The following CCDC175 variants were observed in gnomAD, a reference collection of about 807,000 sequenced individuals.
CCDC175 encodes coiled-coil domain-containing protein 175.
A neutral mutation model predicts 114.6 loss-of-function variants in CCDC175; 100 were observed. The observed-to-expected ratio is 0.87, with a 90% CI of 0.74 to 1.03. The LOEUF (loss-of-function observed/expected upper bound fraction) is 1.03, where lower values mean the gene tolerates loss of function less well. Among genes scored for constraint, CCDC175 ranks in the 50% least tolerant of loss-of-function variants. The probability of loss-of-function intolerance (pLI) is 0.00; values close to 1 mark genes in which losing one functional copy is unlikely to be tolerated. For synonymous variants in CCDC175, 306 were observed against 308.7 expected (o/e 0.99, Z 0.09); for missense variants, 880 against 917.8 (o/e 0.96, Z 0.53).
intron 3 of CCDC175, among the ~76,000 whole-genome samples, chr14:59,572,104 A>T (rs1376225668): frequency 6.6e-6 from 1 of 152,222 alleles, no homozygotes; most frequent in Non-Finnish European, 1.5e-5. Flanking sequence ...ACTGTTTTGG[A>T]TAAGGGATGC....
chr14:59,527,244 A>G lies in CCDC175; in HGVS notation c.1763-70T>C, dbSNP rs181499455. 7.4e-6 allele frequency: 6 copies of G among 809,186 alleles called. No homozygotes were observed. The African/African-American group carries it at 1.1e-4, about 15-fold the overall frequency. The allele number at this position is 809,186 out of a possible 1,614,324, so 50.1% of individuals were successfully genotyped here. A position where few individuals can be genotyped will look rare whatever the true frequency, so the allele number is the denominator to read the frequency against. ...AAAAATATTAATCAAAGAAGTACCT[A>G]GTTTTAAAAATCAAATTATCTCACA... On this transcript the variant is annotated intron_variant, in intron 14 of 19. Coordinates refer to ENST00000537690, the MANE Select transcript of CCDC175 (RefSeq NM_001164399.2).
At chr14:59,548,092 C>T (rs949390309) in intron 8 of CCDC175, among the ~76,000 whole-genome samples, 2 of 152,104 alleles carry the variant, frequency 1.3e-5, no homozygotes, top group African/African-American at 2.4e-5. Context: ...AAAATGTATA[C>T]ATGCACAATT....
intron 11 of CCDC175, among the ~76,000 whole-genome samples, chr14:59,540,426 T>C (rs1894700528): frequency 6.6e-6 from 1 of 151,612 alleles, no homozygotes; most frequent in African/African-American, 2.4e-5. Flanking sequence ...ATTGCACAAA[T>C]ATTAGCAATT....
chr14:59,551,516 C>T, intron 7 of CCDC175, 80 bp from the exon 8 acceptor site: 1 of 616,898 alleles, frequency 1.6e-6, no homozygotes, highest in Non-Finnish European at 2.7e-6. Context: ...ATAGGAACAG[C>T]TGCAGTATAC....
intron 15 of CCDC175, among the ~76,000 whole-genome samples, chr14:59,526,525 G>C (rs973972203): frequency 5.3e-5 from 8 of 149,668 alleles, no homozygotes; most frequent in African/African-American, 1.7e-4. Context: ...CACTGCACTC[G>C]AGCCTGGGCA....
intron 11 of CCDC175, among the ~76,000 whole-genome samples, chr14:59,540,072 A>AAAT (rs372161297): frequency 6.6e-6 from 1 of 152,076 alleles, no homozygotes; most frequent in African/African-American, 2.4e-5. Context: ...CTCTGTCTCA[A>AAAT]AATAATAATA....
chr14:59,525,499 T>A, intron 15 of CCDC175, 65 bp from the exon 16 acceptor site: 1 of 1,113,736 alleles, frequency 9.0e-7, no homozygotes. Context: ...GGTATTATAC[T>A]GCCTAGGTCA....
chr14:59,535,015 C>T (rs942228000), intron 13 of CCDC175, among the ~76,000 whole-genome samples: 8 of 152,162 alleles, frequency 5.3e-5, no homozygotes, highest in African/African-American at 1.7e-4. Flanking sequence ...ATGGTTCCAC[C>T]AGGGGCACAA....
In CCDC175 at chr14:59,525,346, T is replaced by C. The variant is rs1292165583; in HGVS notation, c.1931A>G (p.Asn644Ser). Residue 644 changes from asparagine to serine, a missense_variant, in exon 16 of 20, where the codon AAT becomes AGT. Physicochemically the swap from Asn to Ser is conservative, Grantham distance 46. Coordinates refer to ENST00000537690, the MANE Select transcript of CCDC175 (RefSeq NM_001164399.2). ...TTTTTGGTCATTTATATAGAATCCA[T>C]TTTCTAAGTTCTTTAGAGTTTCAAA... ...DHFETLKNLE[N>S]GFYINDQKAD... 1 of 1,507,392 alleles carries C rather than the reference T, an allele frequency of 6.6e-7. No individual in the cohort carries two copies. Among genetic ancestry groups the C allele is most frequent in the Admixed American group, 2.3e-5 (1 of 42,954 alleles). The allele number at this position is 1,507,392 out of a possible 1,614,324, so 93.4% of individuals were successfully genotyped here. A position where few individuals can be genotyped will look rare whatever the true frequency, so the allele number is the denominator to read the frequency against.
chr14:59,534,875 G>A (rs1894302238), intron 13 of CCDC175, among the ~76,000 whole-genome samples: 1 of 152,180 alleles, frequency 6.6e-6, no homozygotes, highest in East Asian at 1.9e-4. Context: ...ATTCAGGGCT[G>A]TTTTCCTTAG....
At chr14:59,506,351 G>T (rs1331959102) in intron 19 of CCDC175, among the ~76,000 whole-genome samples, 3 of 148,544 alleles carry the variant, frequency 2.0e-5, no homozygotes, top group African/African-American at 7.5e-5. Flanking sequence ...GCAGTGATGC[G>T]ATCTCGGCTC....
chr14:59,544,206 G>A (rs141633545), intron 9 of CCDC175, among the ~76,000 whole-genome samples: 5,286 of 152,068 alleles, frequency 0.035, 158 homozygotes, highest in Middle Eastern at 0.1. Flanking sequence ...GGCTCTTGTC[G>A]CCCAGGCCAG....
In CCDC175 at chr14:59,531,818, A is replaced by G; in HGVS notation, c.1716T>C (p.Tyr572=). ...CTTCTAACTTTCTTCTTTTCTCTTT[A>G]TACTCTTGTTCTGCCACCTGAAGTT... ...LPQLQVAEQE[Y]KEKRRKLEEL... is the part of the protein sequence containing the mutation. The change falls in exon 14 of 20, where the codon TAT becomes TAC. Residue 572 remains tyrosine (Y), a synonymous_variant. Coordinates refer to ENST00000537690, the MANE Select transcript of CCDC175 (RefSeq NM_001164399.2). The G allele has an allele frequency of 6.7e-7, 1 of 1,499,190 alleles. No homozygotes were observed. The highest frequency in any genetic ancestry group is 1.2e-5 in the South Asian group (1 of 81,134). The allele number at this position is 1,499,190 out of a possible 1,614,324, so 92.9% of individuals were successfully genotyped here. A position where few individuals can be genotyped will look rare whatever the true frequency, so the allele number is the denominator to read the frequency against.
chr14:59,518,811 T>C (rs557775031), intron 17 of CCDC175, among the ~76,000 whole-genome samples: 4 of 152,104 alleles, frequency 2.6e-5, no homozygotes, highest in African/African-American at 9.7e-5. Context: ...AGCCATCCCA[T>C]TACTGGGTAT....
intron 2 of CCDC175, 42 bp downstream of exon 2, chr14:59,574,900 AT>A (rs1477046926): frequency 9.6e-7 from 1 of 1,045,212 alleles, no homozygotes. Flanking sequence ...TTGAAGAAAT[AT>A]GTGGAAGATT....
chr14:59,510,204 T>A (rs941753736), intron 19 of CCDC175, among the ~76,000 whole-genome samples: 2 of 152,198 alleles, frequency 1.3e-5, no homozygotes, highest in Non-Finnish European at 2.9e-5. Context: ...TCAAGCATGT[T>A]AGATATGATG....
At chr14:59,558,239 C>G (rs970385885) in intron 7 of CCDC175, among the ~76,000 whole-genome samples, 1 of 152,126 alleles carries the variant, frequency 6.6e-6, no homozygotes, top group Non-Finnish European at 1.5e-5. Flanking sequence ...GTGTTAAGGT[C>G]AGGCTAGAAG....
At position 59,525,256 on chromosome 14, in the gene CCDC175, G is replaced by A. The variant is rs879183442; in HGVS notation, c.1995+26C>T. On this transcript the variant is annotated intron_variant, in intron 16 of 19. Coordinates refer to ENST00000537690, the MANE Select transcript of CCDC175 (RefSeq NM_001164399.2). Reference sequence around the variant, plus strand: ...CTAGTCAATTAATCAAAGCCATCATGAAAAGGATGGTGCTCTTAAACTTAC... The same window carrying A: ...CTAGTCAATTAATCAAAGCCATCATAAAAAGGATGGTGCTCTTAAACTTAC... The A allele has an allele frequency of 4.3e-6, 6 of 1,396,430 alleles. No individual in the cohort carries two copies. The South Asian group carries it at 9.6e-5, about 22-fold the overall frequency. 86.5% of individuals were successfully genotyped at this position (1,396,430 alleles called of 1,614,324 possible).
chr14:59,527,079 T>C lies in CCDC175; in HGVS notation c.1842+16A>G, dbSNP rs773244882. The C allele has an allele frequency of 3.1e-6, 4 of 1,273,704 alleles. No homozygotes were observed. The South Asian group carries it at 4.5e-5, about 14-fold the overall frequency. 78.9% of individuals were successfully genotyped at this position (1,273,704 alleles called of 1,614,324 possible). On this transcript the variant is annotated intron_variant, in intron 15 of 19. Transcript: ENST00000537690. ...TAATAATAATAAAAAAAAGAATTAA[T>C]GCATTGATCTTTTACCATGTTGCTA...
Sources: allele counts gnomAD v4.1 joint callset (sites outside exome capture counted in the v4.1 genomes callset), GRCh38; gene constraint gnomAD v4.1.1; transcripts MANE v1.5; gene names NCBI Gene and HGNC (gene_info 2026-07-23, HGNC 2026-07-21).